The following HIVEP2 variants were observed in gnomAD, a reference collection of about 807,000 sequenced individuals.
HIVEP2 encodes the protein HIVEP zinc finger 2.
In HIVEP2, 14 loss-of-function variants were observed where a neutral mutation model predicts 180.7. The observed-to-expected ratio is 0.08, with a 90% CI of 0.05 to 0.12. HIVEP2 has a LOEUF of 0.12. Among genes scored for constraint, HIVEP2 ranks in the 10% least tolerant of loss-of-function variants. The pLI, the probability that HIVEP2 is intolerant of heterozygous loss-of-function variation, is 1.00. For missense variants in HIVEP2, 2,579 were observed against 3,008.5 expected, an observed-to-expected ratio of 0.86 and a Z score of 3.34; for synonymous variants, 1,184 against 1,136.4, an observed-to-expected ratio of 1.04 and a Z score of -0.84.
chr6:142,844,814 A>C (rs1775467118), intron 1 of HIVEP2, among the ~76,000 whole-genome samples: 1 of 152,214 alleles, frequency 6.6e-6, no homozygotes, highest in Non-Finnish European at 1.5e-5. Context: ...AAGAAAAAAA[A>C]TATTAATATG....
At chr6:142,903,172 T>A (rs1777174199) in intron 1 of HIVEP2, among the ~76,000 whole-genome samples, 1 of 152,208 alleles carries the variant, frequency 6.6e-6, no homozygotes, top group African/African-American at 2.4e-5. Context: ...CCCCCATAAA[T>A]ATTGTAAATG....
intron 2 of HIVEP2, among the ~76,000 whole-genome samples, chr6:142,785,623 C>G (rs907329239): frequency 6.6e-6 from 1 of 152,192 alleles, no homozygotes; most frequent in Non-Finnish European, 1.5e-5. Context: ...CACGTGAGTG[C>G]CCCCCAACAA....
At chr6:142,821,601 G>A (rs920799135) in intron 2 of HIVEP2, among the ~76,000 whole-genome samples, 5 of 152,162 alleles carry the variant, frequency 3.3e-5, no homozygotes, top group Non-Finnish European at 7.4e-5. Context: ...AACTCTAAAT[G>A]CTAGCTGTTA....
chr6:142,845,298 A>T (rs2114907484), intron 1 of HIVEP2, among the ~76,000 whole-genome samples: 1 of 152,290 alleles, frequency 6.6e-6, no homozygotes, highest in East Asian at 1.9e-4. Flanking sequence ...TGTCATAGAC[A>T]CTAGAAGCAG....
chr6:142,865,468 G>A (rs1776115088), intron 1 of HIVEP2, among the ~76,000 whole-genome samples: 1 of 151,724 alleles, frequency 6.6e-6, no homozygotes. Context: ...AAGGAATAAT[G>A]TTACCAGTAC....
intron 2 of HIVEP2, among the ~76,000 whole-genome samples, chr6:142,799,005 C>T (rs491953): frequency 0.58 from 87,940 of 151,926 alleles, 26,862 homozygotes; most frequent in Non-Finnish European, 0.68. Flanking sequence ...AGGTACTTGA[C>T]TTTTATTATT....
intron 1 of HIVEP2, among the ~76,000 whole-genome samples, chr6:142,926,579 G>A (rs1777816521): frequency 6.6e-6 from 1 of 152,238 alleles, no homozygotes; most frequent in African/African-American, 2.4e-5. Flanking sequence ...AGCGCTCCTG[G>A]GCACCATCAG....
At chr6:142,926,651 GA>G (rs1244938009) in intron 1 of HIVEP2, among the ~76,000 whole-genome samples, 2 of 152,198 alleles carry the variant, frequency 1.3e-5, no homozygotes, top group African/African-American at 4.8e-5. Context: ...CTGAGTCAGG[GA>G]GGTGCCAGTG....
At chr6:142,929,187 C>T (rs1777885625) in intron 1 of HIVEP2, among the ~76,000 whole-genome samples, 1 of 152,094 alleles carries the variant, frequency 6.6e-6, no homozygotes, top group African/African-American at 2.4e-5. Flanking sequence ...TTAGCACTCC[C>T]CAAGCTGCAT....
At chr6:142,880,655 C>G (rs2128416299) in intron 1 of HIVEP2, among the ~76,000 whole-genome samples, 1 of 152,226 alleles carries the variant, frequency 6.6e-6, no homozygotes, top group Non-Finnish European at 1.5e-5. Context: ...GAAAGCTGCC[C>G]TACACCTCTG....
intron 1 of HIVEP2, among the ~76,000 whole-genome samples, chr6:142,859,014 C>T (rs989202126): frequency 5.3e-5 from 8 of 152,168 alleles, no homozygotes; most frequent in African/African-American, 1.9e-4. Flanking sequence ...GGGCTCAGCA[C>T]ACCTGGCACA....
At chr6:142,862,204 A>G (rs1240456652) in intron 1 of HIVEP2, among the ~76,000 whole-genome samples, 1 of 152,138 alleles carries the variant, frequency 6.6e-6, no homozygotes, top group Non-Finnish European at 1.5e-5. Context: ...ATTTACAAGA[A>G]TAAAGCAATG....
intron 1 of HIVEP2, among the ~76,000 whole-genome samples, chr6:142,935,378 G>A (rs1428176046): frequency 2.0e-5 from 3 of 152,110 alleles, no homozygotes; most frequent in Non-Finnish European, 2.9e-5. Flanking sequence ...GCAAAACCCT[G>A]TCTCCACAAA....
chr6:142,923,256 G>A (rs1280763133), intron 1 of HIVEP2, among the ~76,000 whole-genome samples: 4 of 152,060 alleles, frequency 2.6e-5, no homozygotes, highest in East Asian at 1.9e-4. Flanking sequence ...GCTTGAATCC[G>A]GGAGGCGGAG....
Position 142,770,783 on chromosome 6 carries a change from G to A in HIVEP2, c.3956C>T (p.Ala1319Val). 6.2e-7 allele frequency: 1 copy of A among 1,614,190 alleles called. No individual in the cohort carries two copies. Among genetic ancestry groups the A allele is most frequent in the East Asian group, 2.2e-5 (1 of 44,888 alleles). Residue 1319 changes from alanine to valine, a missense_variant, in exon 5 of 10, where the codon GCC becomes GTC. Around this residue, in one of 11 missense-constraint regions of HIVEP2, gnomAD observed 523 missense variants for 577.0 expected, o/e 0.91. Transcript: ENST00000367603. This position sits in a 1 kb window ranked among gnomAD's most constrained non-coding sequence, Gnocchi z 4.7. ...CTGCAAAGACCCAGCATTTGCCGAG[G>A]CAAAATCTTCTTGAAGAACCTGCTC... ...PSEQVLQEDF[A>V]SANAGSLQSL...
At chr6:142,862,474 T>C (rs1001481806) in intron 1 of HIVEP2, among the ~76,000 whole-genome samples, 1 of 137,786 alleles carries the variant, frequency 7.3e-6, no homozygotes, top group Admixed American at 7.5e-5. Context: ...TCATATATTT[T>C]ATAATACATA....
chr6:142,791,447 A>T (rs1776136270), intron 2 of HIVEP2, among the ~76,000 whole-genome samples: 1 of 152,178 alleles, frequency 6.6e-6, no homozygotes, highest in Non-Finnish European at 1.5e-5. Context: ...ATTTTGACAA[A>T]CTGTGAATGG....
rs755274554 is a variant in HIVEP2 at position 142,774,520 on chromosome 6, A to G, written c.219T>C (p.Ser73=). The G allele has an allele frequency of 4.3e-5, 70 of 1,614,004 alleles. 1 individual carries two copies. In the South Asian group the frequency reaches 5.9e-4, roughly 14 times the overall value. The change falls in exon 5 of 10, where the codon AGT becomes AGC. Residue 73 remains serine, a synonymous_variant. Coordinates refer to ENST00000367603, the MANE Select transcript of HIVEP2 (RefSeq NM_006734.4). This position sits in a 1 kb window ranked among gnomAD's most constrained non-coding sequence, Gnocchi z 5.1. ...LFGSGKLASP[S]EVVQQVAEKQ... is the part of the protein sequence containing the mutation. ...TCTCTGCGACTTGCTGCACCACTTC[A>G]CTAGGGGAGGCCAGTTTCCCAGAAC...
chr6:142,908,257 T>G (rs1412335405), intron 1 of HIVEP2, among the ~76,000 whole-genome samples: 2 of 152,202 alleles, frequency 1.3e-5, no homozygotes, highest in African/African-American at 4.8e-5. Context: ...GTGTTCCTAC[T>G]TTCACTTGTA....
Sources: gnomAD v4.1 joint callset for allele counts (sites outside exome capture counted in the v4.1 genomes callset) on GRCh38, gnomAD v4.1.1 for gene constraint, gnomAD v4.1.1 regional missense constraint, Gnocchi (gnomAD v3.1) non-coding constraint, MANE v1.5 for transcripts, NCBI Gene and HGNC (gene_info 2026-07-23, HGNC 2026-07-21) for gene names.